RGCC: variants seen among roughly 807,000 people sequenced by gnomAD.
The protein encoded by RGCC is regulator of cell cycle.
Under a neutral mutation model 15.4 loss-of-function variants are expected in RGCC, and 15 were observed. The observed-to-expected ratio is 0.97, with a 90% CI of 0.65 to 1.50. The LOEUF (loss-of-function observed/expected upper bound fraction) is 1.50. Ranked by LOEUF, RGCC falls within the 40% of genes most tolerant of loss-of-function variation. The pLI is 0.00. For missense variants in RGCC, 176 were observed against 189.7 expected, an observed-to-expected ratio of 0.93 and a Z score of 0.42; for synonymous variants, 81 against 78.0, an observed-to-expected ratio of 1.04 and a Z score of -0.20.
In RGCC at chr13:41,457,691, C is replaced by T. The variant is rs975185692; in HGVS notation, c.-17C>T. 2.7e-6 allele frequency: 4 copies of T among 1,487,948 alleles called. No homozygotes were observed. The highest frequency in any genetic ancestry group is 3.0e-5 in the East Asian group (1 of 33,526). The allele number at this position is 1,487,948 out of a possible 1,614,324, so 92.2% of individuals were successfully genotyped here. A position where few individuals can be genotyped will look rare whatever the true frequency, so the allele number is the denominator to read the frequency against. On this transcript the variant is annotated 5_prime_UTR_variant, in exon 1 of 5. Transcript: ENST00000379359. This position sits in a 1 kb window ranked among gnomAD's most constrained non-coding sequence, Gnocchi z 4.9. ...AGGACCCAAGGCCACGCGCGCCGGG[C>T]CCAGCTGAGCCGCCTCATGAAGCCG... is the stretch of plus-strand genomic sequence containing the variant.
intron 2 of RGCC, among the ~76,000 whole-genome samples, chr13:41,463,166 G>A (rs542422028): frequency 5.9e-5 from 9 of 152,128 alleles, no homozygotes; most frequent in Non-Finnish European, 1.3e-4. Flanking sequence ...CAGTTTTCAC[G>A]TGGCCTCTAG....
At chr13:41,461,481 G>C (rs761556590) in intron 2 of RGCC, among the ~76,000 whole-genome samples, 6 of 152,174 alleles carry the variant, frequency 3.9e-5, no homozygotes, top group South Asian at 4.1e-4. Context: ...TATGTTTCAA[G>C]TTTTAACCAG....
In RGCC at chr13:41,457,982, G is replaced by T. The variant is rs1015639822; in HGVS notation, c.49+226G>T. Among the ~76,000 whole-genome samples the T allele has an allele frequency of 6.6e-6, 1 of 151,938 alleles. No homozygotes were observed. The highest frequency in any genetic ancestry group is 1.9e-4 in the East Asian group (1 of 5,132). ...CCAGCTCCGCGCGCGCCCGGGGTTG[G>T]GGGGAGCGGCGGGGACAGGTAACCG... On this transcript the variant is annotated intron_variant, in intron 1 of 4. Coordinates refer to ENST00000379359, the MANE Select transcript of RGCC (RefSeq NM_014059.3). The surrounding 1 kb of genome is among the most constrained non-coding windows in gnomAD (Gnocchi z 4.9).
rs1318174741 is a variant in RGCC at position 41,458,549 on chromosome 13, TTTC to T, written c.235+82_235+84del. 15 of 1,412,728 alleles carry T rather than the reference TTTC, an allele frequency of 1.1e-5. No individual in the cohort carries two copies. In the East Asian group the frequency reaches 3.7e-4, roughly 35 times the overall value. 87.5% of individuals were successfully genotyped at this position (1,412,728 alleles called of 1,614,324 possible). A position where few individuals can be genotyped will look rare whatever the true frequency, so the allele number is the denominator to read the frequency against. On this transcript the variant is annotated intron_variant, in intron 2 of 4. Coordinates refer to ENST00000379359, the MANE Select transcript of RGCC (RefSeq NM_014059.3). This position sits in a 1 kb window ranked among gnomAD's most constrained non-coding sequence, Gnocchi z 4.4. ...GCCCCGCGAAGGCTGCGGCCTCAGT[TTTC>T]TTATCAGTAAACTGAGGAATGGTTT...
chr13:41,468,290 G>A (rs990838844), intron 3 of RGCC, among the ~76,000 whole-genome samples: 19 of 152,194 alleles, frequency 1.2e-4, no homozygotes, highest in African/African-American at 2.7e-4. Flanking sequence ...GGCTAGTGCC[G>A]CAGGAATGAC....
rs1317698395 is a variant in RGCC at position 41,458,109 on chromosome 13, C to T, written c.50-176C>T. ...CTGTAAAACGGACTTGGTAATAGAA[C>T]GCACTTCGGGGGTGGTGGAGAAGAT... On this transcript the variant is annotated intron_variant, in intron 1 of 4. Coordinates refer to ENST00000379359, the MANE Select transcript of RGCC (RefSeq NM_014059.3). The surrounding 1 kb of genome is among the most constrained non-coding windows in gnomAD (Gnocchi z 4.4). Among the ~76,000 whole-genome samples the T allele has an allele frequency of 6.6e-6, 1 of 152,190 alleles. No homozygotes were observed. Among genetic ancestry groups the T allele is most frequent in the African/African-American group, 2.4e-5 (1 of 41,468 alleles).
intron 2 of RGCC, among the ~76,000 whole-genome samples, chr13:41,463,514 C>T (rs1048450548): frequency 3.2e-4 from 5 of 15,704 alleles, no homozygotes; most frequent in African/African-American, 8.3e-4. Context: ...GTGGGCAGGG[C>T]GGGGGCGGGC....
intron 2 of RGCC, among the ~76,000 whole-genome samples, chr13:41,465,771 G>A (rs1332867988): frequency 6.6e-6 from 1 of 152,138 alleles, no homozygotes; most frequent in Non-Finnish European, 1.5e-5. Flanking sequence ...GAAGAGTACA[G>A]ACTCTTAGGA....
chr13:41,468,702 A>G lies in RGCC; in HGVS notation c.344-74A>G, dbSNP rs1239407392. The G allele has an allele frequency of 5.2e-6, 6 of 1,146,226 alleles. No individual in the cohort carries two copies. The East Asian group carries it at 1.2e-4, about 22-fold the overall frequency. 71.0% of individuals were successfully genotyped at this position (1,146,226 alleles called of 1,614,324 possible). A position where few individuals can be genotyped will look rare whatever the true frequency, so the allele number is the denominator to read the frequency against. ...GTTCCAACTTCCTGGAAAACTCAAT[A>G]TGGAGTCATCAGCTGTCTTTGTTAT... is the stretch of plus-strand genomic sequence containing the variant. On this transcript the variant is annotated intron_variant, in intron 3 of 4. Coordinates refer to ENST00000379359, the MANE Select transcript of RGCC (RefSeq NM_014059.3).
chr13:41,467,675 A>G (rs17062243), intron 3 of RGCC, among the ~76,000 whole-genome samples: 7,224 of 152,330 alleles, frequency 0.047, 192 homozygotes, highest in South Asian at 0.084. Flanking sequence ...CACTCTTTTC[A>G]CTTTGGCAAT....
rs778247311 is a variant in RGCC, at chr13:41,458,344, G to T, written c.109G>T (p.Ala37Ser). 6 of 1,590,284 alleles carry T rather than the reference G, an allele frequency of 3.8e-6. No homozygotes were observed. The highest frequency in any genetic ancestry group is 3.4e-5 in the Admixed American group (2 of 58,482). Residue 37 changes from alanine to serine, a missense_variant, in exon 2 of 5, where the codon GCG (alanine) becomes TCG (serine). Physicochemically the swap from Ala to Ser is moderately conservative, Grantham distance 99. Coordinates refer to ENST00000379359, the MANE Select transcript of RGCC (RefSeq NM_014059.3). The surrounding 1 kb of genome is among the most constrained non-coding windows in gnomAD (Gnocchi z 4.4). ...GTCGGACGCGCTGTGCGAGTTTGAC[G>T]CGGTGCTGGCCGACTTCGCGTCGCC... Reference protein sequence around the residue: ...DLSDALCEFDAVLADFASPFH... With the variant: ...DLSDALCEFDSVLADFASPFH...
At chr13:41,469,295 T>TAATAATAATAATAAG (rs869157194) in intron 4 of RGCC, among the ~76,000 whole-genome samples, 35 of 86,724 alleles carry the variant, frequency 4.0e-4, no homozygotes, top group African/African-American at 1.3e-3. Context: ...ATAATAATAA[T>TAATAATAATAATAAG]AAGAAGAAGA....
chr13:41,459,028 T>A (rs1185095815), intron 2 of RGCC, among the ~76,000 whole-genome samples: 3 of 152,092 alleles, frequency 2.0e-5, no homozygotes, highest in African/African-American at 7.2e-5. Context: ...CACTGCTGAG[T>A]TCAAGTATTT....
At position 41,470,706 on chromosome 13, in the gene RGCC, A is replaced by G; in HGVS notation, c.*221A>G. On this transcript the variant is annotated 3_prime_UTR_variant, in exon 5 of 5. Transcript: ENST00000379359. ...TTTGTTTACCTGCTTGCAGCATATT[A>G]GAACAGACGATCCATGCTAATATTG... 1 of 544,554 alleles carries G rather than the reference A, an allele frequency of 1.8e-6. No homozygotes were observed. The highest frequency in any genetic ancestry group is 3.3e-6 in the Non-Finnish European group (1 of 306,216). 33.7% of individuals were successfully genotyped at this position (544,554 alleles called of 1,614,324 possible).
chr13:41,463,314 G>T (rs980464977), intron 2 of RGCC, among the ~76,000 whole-genome samples: 1 of 151,868 alleles, frequency 6.6e-6, no homozygotes, highest in Non-Finnish European at 1.5e-5. Flanking sequence ...GCTGCAGCAG[G>T]TTTGGCTCAA....
intron 2 of RGCC, among the ~76,000 whole-genome samples, chr13:41,460,461 A>G (rs3783193): frequency 0.029 from 4,442 of 152,314 alleles, 109 homozygotes; most frequent in East Asian, 0.14. Context: ...ACAGCAGCTC[A>G]CTTTTAGCAA....
In RGCC at chr13:41,457,743, C is replaced by T; in HGVS notation, c.36C>T (p.Ala12=). The T allele has an allele frequency of 7.1e-7, 1 of 1,400,308 alleles. No individual in the cohort carries two copies. The highest frequency in any genetic ancestry group is 9.2e-7 in the Non-Finnish European group (1 of 1,082,392). The allele number at this position is 1,400,308 out of a possible 1,614,324, so 86.7% of individuals were successfully genotyped here. ...CCGCGGCGCAGGGCAGCCCCGCGGC[C>T]GCCGCGGCCGCAGGTGAGTGCGGGG... is the stretch of plus-strand genomic sequence containing the variant. ...KPPAAQGSPA[A]AAAAAPALDS... Residue 12 remains alanine (A), a synonymous_variant, in exon 1 of 5, where the codon GCC becomes GCT. Coordinates refer to ENST00000379359, the MANE Select transcript of RGCC (RefSeq NM_014059.3). This position sits in a 1 kb window ranked among gnomAD's most constrained non-coding sequence, Gnocchi z 4.9.
intron 2 of RGCC, among the ~76,000 whole-genome samples, chr13:41,460,015 T>G (rs1170598381): frequency 1.3e-5 from 2 of 152,230 alleles, no homozygotes; most frequent in African/African-American, 4.8e-5. Flanking sequence ...TTCAGATGCC[T>G]TAAAGAGAAG....
chr13:41,462,237 T>C (rs2043825226), intron 2 of RGCC, among the ~76,000 whole-genome samples: 1 of 152,036 alleles, frequency 6.6e-6, no homozygotes, highest in South Asian at 2.1e-4. Flanking sequence ...TGGTTTTACT[T>C]CCCCCTGGAG....
Sources: gnomAD v4.1 joint callset for allele counts (sites outside exome capture counted in the v4.1 genomes callset) on GRCh38, gnomAD v4.1.1 for gene constraint, Gnocchi (gnomAD v3.1) non-coding constraint, MANE v1.5 for transcripts, NCBI Gene and HGNC (gene_info 2026-07-23, HGNC 2026-07-21) for gene names.